The following VWC2L variants were observed in gnomAD, a reference collection of about 807,000 sequenced individuals.
VWC2L encodes von Willebrand factor C domain-containing protein 2-like.
VWC2L carries 10 observed loss-of-function variants against 21.6 expected under a neutral mutation model. The ratio of observed to expected loss-of-function variants is 0.46; its 90% CI spans 0.29 to 0.78. The LOEUF (loss-of-function observed/expected upper bound fraction) is 0.78. VWC2L is among the 30% of genes least tolerant of loss of function. The probability of loss-of-function intolerance (pLI) is 0.10; values close to 1 mark genes in which losing one functional copy is unlikely to be tolerated. For missense variants in VWC2L, 209 were observed against 277.1 expected, an observed-to-expected ratio of 0.75 and a Z score of 1.74; for synonymous variants, 96 against 94.3, an observed-to-expected ratio of 1.02 and a Z score of -0.10.
At chr2:214,468,030 T>A (rs1284883444) in intron 3 of VWC2L, among the ~76,000 whole-genome samples, 2 of 152,234 alleles carry the variant, frequency 1.3e-5, no homozygotes, top group East Asian at 3.9e-4. Context: ...TACGTCTTTT[T>A]TTTTTGAGAC....
At chr2:214,562,035 T>G (rs1037336006) in intron 3 of VWC2L, among the ~76,000 whole-genome samples, 1 of 152,086 alleles carries the variant, frequency 6.6e-6, no homozygotes, top group Non-Finnish European at 1.5e-5. Context: ...AGGCAGAATA[T>G]GCAGGTTTGT....
At chr2:214,454,030 C>T (rs1357521501) in intron 3 of VWC2L, among the ~76,000 whole-genome samples, 1 of 152,008 alleles carries the variant, frequency 6.6e-6, no homozygotes, top group East Asian at 1.9e-4. Context: ...CTTTTAAATA[C>T]TCTTGTAGTT....
chr2:214,490,263 A>G (rs1459465311), intron 3 of VWC2L, among the ~76,000 whole-genome samples: 2 of 151,950 alleles, frequency 1.3e-5, no homozygotes, highest in Admixed American at 6.6e-5. Flanking sequence ...GTAAAACATG[A>G]CCTCTGATAA....
chr2:214,478,156 G>T (rs929721692), intron 3 of VWC2L, among the ~76,000 whole-genome samples: 58 of 152,306 alleles, frequency 3.8e-4, no homozygotes, highest in African/African-American at 1.1e-3. Context: ...AGGTGAGAAG[G>T]TGTGGTCTTA....
intron 3 of VWC2L, among the ~76,000 whole-genome samples, chr2:214,456,326 T>G (rs1307819518): frequency 6.6e-6 from 1 of 152,188 alleles, no homozygotes; most frequent in East Asian, 1.9e-4. Flanking sequence ...TGTTGGCTAT[T>G]GGCATGTCTT....
At chr2:214,448,998 C>A (rs565136774) in intron 3 of VWC2L, among the ~76,000 whole-genome samples, 1 of 152,028 alleles carries the variant, frequency 6.6e-6, no homozygotes, top group Non-Finnish European at 1.5e-5. Flanking sequence ...CTGCTGTTCC[C>A]GTCATCCAAG....
intron 3 of VWC2L, among the ~76,000 whole-genome samples, chr2:214,504,115 A>G (rs911404293): frequency 1.3e-5 from 2 of 152,252 alleles, no homozygotes; most frequent in Non-Finnish European, 1.5e-5. Flanking sequence ...GTAGATGACT[A>G]AAGTACTAAA....
At chr2:214,519,670 C>G (rs1461928109) in intron 3 of VWC2L, among the ~76,000 whole-genome samples, 1 of 152,168 alleles carries the variant, frequency 6.6e-6, no homozygotes, top group African/African-American at 2.4e-5. Flanking sequence ...TTACAAAAGC[C>G]TTTCGCTTCC....
intron 3 of VWC2L, among the ~76,000 whole-genome samples, chr2:214,566,517 G>A (rs1690065525): frequency 6.6e-6 from 1 of 152,134 alleles, no homozygotes; most frequent in African/African-American, 2.4e-5. Flanking sequence ...TGATTAACAG[G>A]CACCTTTAAG....
At chr2:214,437,206 G>T (rs1422173253) in intron 3 of VWC2L, among the ~76,000 whole-genome samples, 1 of 152,060 alleles carries the variant, frequency 6.6e-6, no homozygotes, top group Non-Finnish European at 1.5e-5. Context: ...TAAAATTCAA[G>T]AAATATTAAA....
chr2:214,414,148 G>A lies in VWC2L; in HGVS notation c.-46G>A, dbSNP rs746354251. ...CTTGTATTCCCATGGAAGGAGCTGA[G>A]TATATTTAATATTAGGAGCACATCC... On this transcript the variant is annotated 5_prime_UTR_variant, in exon 2 of 4. Coordinates refer to ENST00000312504, the MANE Select transcript of VWC2L (RefSeq NM_001080500.4). 18 of 1,571,138 alleles carry A rather than the reference G, an allele frequency of 1.1e-5. No individual in the cohort carries two copies. Among genetic ancestry groups the A allele is most frequent in the Admixed American group, 2.1e-5 (1 of 47,608 alleles).
chr2:214,561,566 A>C (rs1012722460), intron 3 of VWC2L, among the ~76,000 whole-genome samples: 31 of 152,086 alleles, frequency 2.0e-4, no homozygotes, highest in Admixed American at 7.2e-4. Flanking sequence ...GCTCGAATCC[A>C]GGAGTTCATG....
chr2:214,506,493 T>C (rs985294907), intron 3 of VWC2L, among the ~76,000 whole-genome samples: 1 of 152,192 alleles, frequency 6.6e-6, no homozygotes, highest in Non-Finnish European at 1.5e-5. Flanking sequence ...CTATGGTTTC[T>C]GTTGGGACTA....
chr2:214,462,978 G>C (rs532813243), intron 3 of VWC2L, among the ~76,000 whole-genome samples: 1 of 152,070 alleles, frequency 6.6e-6, no homozygotes, highest in Non-Finnish European at 1.5e-5. Flanking sequence ...CCACAAAGAC[G>C]AAAGAACATT....
chr2:214,459,475 T>C (rs1703107454), intron 3 of VWC2L, among the ~76,000 whole-genome samples: 1 of 152,268 alleles, frequency 6.6e-6, no homozygotes, highest in Non-Finnish European at 1.5e-5. Context: ...TTCCCTCTTA[T>C]TGTTCCCACT....
chr2:214,472,180 A>G (rs1317843406), intron 3 of VWC2L: 1 of 152,178 alleles, frequency 6.6e-6, no homozygotes, highest in Non-Finnish European at 1.5e-5. Flanking sequence ...GAGAATAAAC[A>G]GATTCCTGCA....
intron 3 of VWC2L, among the ~76,000 whole-genome samples, chr2:214,488,789 G>A (rs1162036379): frequency 6.6e-6 from 1 of 152,158 alleles, no homozygotes. Context: ...AGGCAAAGAG[G>A]AGCCAGAGTA....
intron 3 of VWC2L, among the ~76,000 whole-genome samples, chr2:214,492,349 A>T (rs955513565): frequency 6.6e-5 from 10 of 152,220 alleles, no homozygotes; most frequent in Non-Finnish European, 1.0e-4. Flanking sequence ...AGAACTCCAC[A>T]GTTCATCAAC....
chr2:214,520,073 A>ACACG (rs1173486316), intron 3 of VWC2L, among the ~76,000 whole-genome samples: 34 of 150,840 alleles, frequency 2.3e-4, no homozygotes, highest in Admixed American at 1.5e-3. Context: ...ACACACACAC[A>ACACG]CACACACACA....
Sources: gnomAD v4.1 joint callset for allele counts (sites outside exome capture counted in the v4.1 genomes callset) on GRCh38, gnomAD v4.1.1 for gene constraint, MANE v1.5 for transcripts, NCBI Gene and HGNC (gene_info 2026-07-23, HGNC 2026-07-21) for gene names.